Variants in TCF7 observed in about 807,000 individuals in gnomAD.
TCF7 encodes the protein T-cell-factor-7.
Under a neutral mutation model 46.8 loss-of-function variants are expected in TCF7, and 19 were observed. That is an observed-to-expected ratio of 0.41 (90% CI 0.28 to 0.60). TCF7 has a LOEUF of 0.60. Among genes scored for constraint, TCF7 ranks in the 20% least tolerant of loss-of-function variants. TCF7 has a pLI of 0.35. For missense variants in TCF7, 547 were observed against 504.6 expected, an observed-to-expected ratio of 1.08 and a Z score of -0.81; for synonymous variants, 245 against 213.4, an observed-to-expected ratio of 1.15 and a Z score of -1.29.
intron 9 of TCF7, chr5:134,144,763 C>T: frequency 6.3e-7 from 1 of 1,586,488 alleles, no homozygotes. Flanking sequence ...TCGCCCTCTG[C>T]CCTGCTCTAC....
chr5:134,140,248 C>G (rs1411587338), intron 5 of TCF7, among the ~76,000 whole-genome samples: 1 of 152,190 alleles, frequency 6.6e-6, no homozygotes, highest in Non-Finnish European at 1.5e-5. Flanking sequence ...GCCAACTGAT[C>G]GTTAGGTCCC....
chr5:134,115,089 C>A lies in TCF7; in HGVS notation c.183C>A (p.Gly61=). The A allele has an allele frequency of 2.7e-6, 3 of 1,098,960 alleles. No homozygotes were observed. Among genetic ancestry groups the A allele is most frequent in the Non-Finnish European group, 3.4e-6 (3 of 889,714 alleles). The allele number at this position is 1,098,960 out of a possible 1,614,324, so 68.1% of individuals were successfully genotyped here. A position where few individuals can be genotyped will look rare whatever the true frequency, so the allele number is the denominator to read the frequency against. The change falls in exon 1 of 10, where the codon GGC becomes GGA. Residue 61 remains glycine (G), a synonymous_variant. Coordinates refer to ENST00000342854, the MANE Select transcript of TCF7 (RefSeq NM_003202.5). ...CGTCGCTCGTGAACGAGTCCGAGGG[C>A]GCGGCCGGCGGCGCAGGGATCCCGG... ...LKSSLVNESE[G]AAGGAGIPGV...
chr5:134,109,626 C>T, the TCF7 span, among the ~76,000 whole-genome samples: 1 of 152,010 alleles, frequency 6.6e-6, no homozygotes, highest in Non-Finnish European at 1.5e-5. Context: ...AAAAATTAGC[C>T]GAGCGTGGTG....
At chr5:134,133,205 T>A (rs2149323236) in intron 3 of TCF7, among the ~76,000 whole-genome samples, 1 of 152,220 alleles carries the variant, frequency 6.6e-6, no homozygotes, top group East Asian at 1.9e-4. Flanking sequence ...ATCAAGCAGT[T>A]TGGACTGCTG....
At position 134,115,008 on chromosome 5, in the gene TCF7, C is replaced by G; in HGVS notation, c.102C>G (p.Asp34Glu). ...TCCAGGATGAAGGCGAGGAGCAGGA[C>G]GACAAGAGCCGCGACAGCGCCGCCG... The part of the protein sequence containing the change: ...LAFQDEGEEQ[D>E]DKSRDSAAGP... The change falls in exon 1 of 10, where the codon GAC becomes GAG. Residue 34 changes from aspartate (D) to glutamate (E), a missense_variant. Physicochemically the swap from Asp to Glu is conservative, Grantham distance 45 (BLOSUM62 2). Transcript: ENST00000342854. 8.0e-7 allele frequency: 1 copy of G among 1,253,060 alleles called. No individual in the cohort carries two copies. Among genetic ancestry groups the G allele is most frequent in the Non-Finnish European group, 1.0e-6 (1 of 974,052 alleles). The allele number at this position is 1,253,060 out of a possible 1,614,324, so 77.6% of individuals were successfully genotyped here. A position where few individuals can be genotyped will look rare whatever the true frequency, so the allele number is the denominator to read the frequency against.
chr5:134,145,920 G>A (rs1714049122), intron 9 of TCF7: 1 of 1,516,086 alleles, frequency 6.6e-7, no homozygotes, highest in Non-Finnish European at 8.8e-7. Context: ...TCAAAGGCCG[G>A]GACTGGGAGA....
intron 3 of TCF7, 150 bp downstream of exon 3, chr5:134,116,183 C>G: frequency 1.4e-6 from 2 of 1,410,866 alleles, no homozygotes; most frequent in Non-Finnish European, 1.8e-6. Context: ...GGGATCTGAA[C>G]CAAAAGGAGA....
Position 134,146,594 on chromosome 5 carries a change from C to G in TCF7, c.*291C>G. ...GACAGAGACCCAGATCTCATGGAAA[C>G]TGGCCAGGGGTCCTGTTAACGTCAT... is the stretch of plus-strand genomic sequence containing the variant. On this transcript the variant is annotated 3_prime_UTR_variant, in exon 10 of 10. Coordinates refer to ENST00000342854, the MANE Select transcript of TCF7 (RefSeq NM_003202.5). 1 of 694,118 alleles carries G rather than the reference C, an allele frequency of 1.4e-6. No individual in the cohort carries two copies. Among genetic ancestry groups the G allele is most frequent in the East Asian group, 2.7e-5 (1 of 37,236 alleles). 43.0% of individuals were successfully genotyped at this position (694,118 alleles called of 1,614,324 possible). A position where few individuals can be genotyped will look rare whatever the true frequency, so the allele number is the denominator to read the frequency against.
chr5:134,125,344 C>T (rs1757200059), intron 3 of TCF7, among the ~76,000 whole-genome samples: 1 of 152,238 alleles, frequency 6.6e-6, no homozygotes, highest in Non-Finnish European at 1.5e-5. Flanking sequence ...CCAGAGGACG[C>T]CCCGCATTGG....
chr5:134,108,235 C>T, the TCF7 span, among the ~76,000 whole-genome samples: 117,982 of 150,804 alleles, frequency 0.78, 46,121 homozygotes, highest in East Asian at 0.85. Flanking sequence ...GTCCCCACTC[C>T]CAACCCCCAC....
chr5:134,109,341 T>A, the TCF7 span, among the ~76,000 whole-genome samples: 1 of 152,168 alleles, frequency 6.6e-6, no homozygotes, highest in African/African-American at 2.4e-5. Context: ...GCAGGCGTAT[T>A]CCTCTGTGAA....
At chr5:134,123,755 T>G (rs1431130770) in intron 3 of TCF7, 2 of 456,096 alleles carry the variant, frequency 4.4e-6, no homozygotes, top group Admixed American at 2.3e-5. Context: ...GTTGGCATCA[T>G]GGTAGGGCAA....
intron 3 of TCF7, 26 bp from the exon 4 acceptor site, chr5:134,138,033 C>A: frequency 6.4e-7 from 1 of 1,551,508 alleles, no homozygotes; most frequent in Non-Finnish European, 8.8e-7. Flanking sequence ...TCGCCACACT[C>A]ACCCACCCTC....
At chr5:134,116,786 T>G (rs1755894296) in intron 3 of TCF7, among the ~76,000 whole-genome samples, 3 of 152,212 alleles carry the variant, frequency 2.0e-5, no homozygotes, top group African/African-American at 7.2e-5. Context: ...CTATTCTGAG[T>G]GTTTTGGAGC....
At chr5:134,110,354 GA>G (rs1241146002), upstream of TCF7, among the ~76,000 whole-genome samples, 21 of 152,202 alleles carry the variant, frequency 1.4e-4, no homozygotes, top group Admixed American at 1.3e-4. Context: ...TATGAAGAAA[GA>G]ACTGACCCCA....
At chr5:134,118,619 G>T (rs569500025) in intron 3 of TCF7, among the ~76,000 whole-genome samples, 119 of 152,190 alleles carry the variant, frequency 7.8e-4, no homozygotes, top group Middle Eastern at 3.4e-3. Context: ...TTCCAAAAAG[G>T]TTCCTTCTTT....
intron 5 of TCF7, chr5:134,141,971 G>A (rs1026243377): frequency 1.3e-5 from 7 of 524,196 alleles, no homozygotes; most frequent in African/African-American, 1.2e-4. Context: ...CCATCTGAAT[G>A]GCAATCTATG....
intron 3 of TCF7, among the ~76,000 whole-genome samples, chr5:134,136,053 CTGTCTGGCTGG>C (rs75255800): frequency 1.4e-3 from 215 of 152,166 alleles, no homozygotes; most frequent in Middle Eastern, 3.4e-3. Flanking sequence ...GGGCAAGAGA[CTGTCTGGCTGG>C]GTTGAAGGGA....
chr5:134,134,220 C>T (rs1373331231), intron 3 of TCF7, among the ~76,000 whole-genome samples: 3 of 152,264 alleles, frequency 2.0e-5, no homozygotes, highest in Non-Finnish European at 4.4e-5. Context: ...CTGGGACTGT[C>T]TTCCAAGAGC....
Sources: allele counts gnomAD v4.1 joint callset (sites outside exome capture counted in the v4.1 genomes callset), GRCh38; gene constraint gnomAD v4.1.1; transcripts MANE v1.5; gene names NCBI Gene and HGNC (gene_info 2026-07-23, HGNC 2026-07-21).